Variants in ST6GALNAC3 observed in about 807,000 individuals in gnomAD.
ST6GALNAC3 encodes the protein alpha-N-acetylgalactosaminide alpha-2,6-sialyltransferase 3.
Under a neutral mutation model 32.7 loss-of-function variants are expected in ST6GALNAC3, and 25 were observed. The ratio of observed to expected loss-of-function variants is 0.76; its 90% confidence interval spans 0.56 to 1.07. The LOEUF is 1.07. Among genes scored for constraint, ST6GALNAC3 ranks in the 50% least tolerant of loss-of-function variants. The pLI is 0.00. For missense variants in ST6GALNAC3, 355 were observed against 382.4 expected (o/e 0.93, Z 0.60); for synonymous variants, 129 against 133.1 (o/e 0.97, Z 0.21).
At chr1:76,488,767 GT>G (rs1209220417) in intron 3 of ST6GALNAC3, among the ~76,000 whole-genome samples, 1 of 152,134 alleles carries the variant, frequency 6.6e-6, no homozygotes, top group Non-Finnish European at 1.5e-5. Flanking sequence ...GCACAAATTT[GT>G]GAAGAACAAA....
chr1:76,298,316 A>T (rs1405318833), intron 1 of ST6GALNAC3, among the ~76,000 whole-genome samples: 1 of 152,088 alleles, frequency 6.6e-6, no homozygotes, highest in Non-Finnish European at 1.5e-5. Context: ...CACATGGTAT[A>T]TACTGAACAA....
chr1:76,197,083 A>G (rs1654247799), intron 1 of ST6GALNAC3, among the ~76,000 whole-genome samples: 2 of 152,208 alleles, frequency 1.3e-5, no homozygotes, highest in African/African-American at 4.8e-5. Flanking sequence ...TGATTTGCCA[A>G]CAGTTTTACT....
chr1:76,492,440 A>G (rs1275484463), intron 3 of ST6GALNAC3, among the ~76,000 whole-genome samples: 1 of 152,200 alleles, frequency 6.6e-6, no homozygotes, highest in Non-Finnish European at 1.5e-5. Flanking sequence ...AACATTATCT[A>G]TTATTGAAAA....
At chr1:76,213,375 T>C (rs1041027099) in intron 1 of ST6GALNAC3, among the ~76,000 whole-genome samples, 1 of 152,210 alleles carries the variant, frequency 6.6e-6, no homozygotes, top group African/African-American at 2.4e-5. Context: ...TCAATGCACA[T>C]GAAGCCACAA....
At chr1:76,441,105 A>T (rs1008190021) in intron 3 of ST6GALNAC3, among the ~76,000 whole-genome samples, 67 of 150,430 alleles carry the variant, frequency 4.5e-4, no homozygotes, top group African/African-American at 6.0e-4. Context: ...AAAAAAAAAA[A>T]AAATAAGAGA....
intron 3 of ST6GALNAC3, among the ~76,000 whole-genome samples, chr1:76,446,513 C>T (rs551857270): frequency 1.7e-4 from 26 of 152,276 alleles, no homozygotes; most frequent in African/African-American, 2.4e-4. Flanking sequence ...TAACCTCTGG[C>T]GACCACGGAT....
intron 3 of ST6GALNAC3, among the ~76,000 whole-genome samples, chr1:76,441,320 A>C (rs547062133): frequency 2.0e-5 from 3 of 152,222 alleles, no homozygotes; most frequent in South Asian, 4.1e-4. Context: ...TTGTCATCTC[A>C]ATAATCCTAT....
intron 2 of ST6GALNAC3, among the ~76,000 whole-genome samples, chr1:76,394,519 A>C (rs1465624316): frequency 6.6e-6 from 1 of 152,200 alleles, no homozygotes; most frequent in Admixed American, 6.5e-5. Flanking sequence ...TAGAAAAGAT[A>C]TGGCCACTAT....
chr1:76,357,340 T>C (rs1242268045), intron 2 of ST6GALNAC3, among the ~76,000 whole-genome samples: 2 of 152,116 alleles, frequency 1.3e-5, no homozygotes, highest in African/African-American at 2.4e-5. Flanking sequence ...TTTGCCGTGT[T>C]GGCCAGGCTG....
intron 1 of ST6GALNAC3, among the ~76,000 whole-genome samples, chr1:76,186,853 T>C (rs561912803): frequency 1.3e-5 from 2 of 152,300 alleles, no homozygotes; most frequent in Non-Finnish European, 2.9e-5. Flanking sequence ...CTTATAACAA[T>C]CACAATTATT....
At chr1:76,615,673 C>T (rs1178891706) in intron 3 of ST6GALNAC3, among the ~76,000 whole-genome samples, 1 of 152,206 alleles carries the variant, frequency 6.6e-6, no homozygotes, top group Non-Finnish European at 1.5e-5. Flanking sequence ...GGAGATACAA[C>T]ATTTTCATAT....
At chr1:76,242,556 A>G (rs1657029610) in intron 1 of ST6GALNAC3, among the ~76,000 whole-genome samples, 1 of 152,178 alleles carries the variant, frequency 6.6e-6, no homozygotes, top group South Asian at 2.1e-4. Context: ...TCATCTAGGT[A>G]TTAAGCCCTG....
At chr1:76,563,712 T>C (rs1458612696) in intron 3 of ST6GALNAC3, among the ~76,000 whole-genome samples, 1 of 152,222 alleles carries the variant, frequency 6.6e-6, no homozygotes, top group African/African-American at 2.4e-5. Context: ...AGCTATTCAA[T>C]ATATGTTTTG....
intron 2 of ST6GALNAC3, among the ~76,000 whole-genome samples, chr1:76,358,551 A>G (rs757624101): frequency 4.6e-5 from 7 of 152,102 alleles, no homozygotes; most frequent in Non-Finnish European, 1.0e-4. Flanking sequence ...CATATAGGAC[A>G]CCATTGTCCC....
intron 3 of ST6GALNAC3, among the ~76,000 whole-genome samples, chr1:76,436,388 G>A (rs571520687): frequency 6.6e-6 from 1 of 152,068 alleles, no homozygotes; most frequent in Admixed American, 6.5e-5. Flanking sequence ...CTCAATGGAT[G>A]CTGCTTTCTT....
chr1:76,115,158 GCTA>G (rs1357212954), intron 1 of ST6GALNAC3, among the ~76,000 whole-genome samples: 1 of 152,122 alleles, frequency 6.6e-6, no homozygotes, highest in Non-Finnish European at 1.5e-5. Flanking sequence ...AGATGAGACT[GCTA>G]CTATAGGATC....
At chr1:76,494,429 G>GTA (rs60378565) in intron 3 of ST6GALNAC3, among the ~76,000 whole-genome samples, 1,643 of 53,352 alleles carry the variant, frequency 0.031, 104 homozygotes, top group African/African-American at 0.062. Context: ...GTGTGCATGT[G>GTA]TATATATATA....
chr1:76,125,660 T>C (rs1183593164), intron 1 of ST6GALNAC3, among the ~76,000 whole-genome samples: 2 of 152,228 alleles, frequency 1.3e-5, no homozygotes, highest in African/African-American at 4.8e-5. Flanking sequence ...ACAAGACATG[T>C]GTTTCCCATC....
At chr1:76,382,283 A>G (rs1557839975) in intron 2 of ST6GALNAC3, among the ~76,000 whole-genome samples, 1 of 152,222 alleles carries the variant, frequency 6.6e-6, no homozygotes, top group Non-Finnish European at 1.5e-5. Context: ...TAGTGAAAAC[A>G]AATAAACTGT....
Sources: allele counts gnomAD v4.1 joint callset (sites outside exome capture counted in the v4.1 genomes callset), GRCh38; gene constraint gnomAD v4.1.1; transcripts MANE v1.5; gene names NCBI Gene and HGNC (gene_info 2026-07-23, HGNC 2026-07-21).